Variants in PTPRT observed in about 807,000 individuals in gnomAD.
The protein encoded by PTPRT is protein tyrosine phosphatase receptor type T, also known as receptor-type tyrosine-protein phosphatase T.
PTPRT carries 56 observed loss-of-function variants against 176.8 expected under a neutral mutation model. The observed-to-expected ratio is 0.32, with a 90% confidence interval of 0.26 to 0.40. The LOEUF (loss-of-function observed/expected upper bound fraction) is 0.40. Ranked by LOEUF, PTPRT falls within the 10% of genes least tolerant of loss-of-function variation. The pLI is 1.00. For missense variants in PTPRT, 1,540 were observed against 1,908.2 expected (o/e 0.81, Z 3.60); for synonymous variants, 783 against 739.0 (o/e 1.06, Z -0.96).
intron 4 of PTPRT, among the ~76,000 whole-genome samples, chr20:42,775,755 G>A (rs2077126307): frequency 6.6e-6 from 1 of 152,062 alleles, no homozygotes; most frequent in Admixed American, 6.6e-5. Flanking sequence ...TGGAACTTTT[G>A]GAATACTTAG....
intron 1 of PTPRT, among the ~76,000 whole-genome samples, chr20:42,925,609 T>C (rs940435488): frequency 3.9e-5 from 6 of 152,186 alleles, no homozygotes; most frequent in Admixed American, 6.5e-5. Flanking sequence ...GTCCCATATT[T>C]CGGGTGTCAT....
At chr20:42,357,367 C>A (rs998391964) in intron 9 of PTPRT, among the ~76,000 whole-genome samples, 4 of 152,188 alleles carry the variant, frequency 2.6e-5, no homozygotes, top group Non-Finnish European at 4.4e-5. Flanking sequence ...ACTTTAAGCT[C>A]CAAGGAGGCA....
intron 7 of PTPRT, among the ~76,000 whole-genome samples, chr20:42,543,773 C>T (rs1340309883): frequency 6.6e-6 from 1 of 152,050 alleles, no homozygotes; most frequent in Non-Finnish European, 1.5e-5. Flanking sequence ...GATCCATGGT[C>T]TGTAGAATGG....
chr20:42,551,153 A>G (rs935096273), intron 7 of PTPRT, among the ~76,000 whole-genome samples: 4 of 152,128 alleles, frequency 2.6e-5, no homozygotes, highest in Non-Finnish European at 2.9e-5. Flanking sequence ...AACAAATTAT[A>G]TATCTCTTTA....
chr20:42,336,300 T>C (rs531480690), intron 11 of PTPRT, among the ~76,000 whole-genome samples: 2 of 152,274 alleles, frequency 1.3e-5, no homozygotes, highest in African/African-American at 2.4e-5. Flanking sequence ...CCATCTATCA[T>C]AGCAGGAAAT....
At chr20:42,259,175 G>C (rs2056701783) in intron 13 of PTPRT, among the ~76,000 whole-genome samples, 1 of 152,316 alleles carries the variant, frequency 6.6e-6, no homozygotes, top group South Asian at 2.1e-4. Flanking sequence ...CTTCCAGATA[G>C]ACCTTGTTTT....
intron 1 of PTPRT, among the ~76,000 whole-genome samples, chr20:42,954,477 C>T (rs553067437): frequency 5.9e-5 from 9 of 152,254 alleles, no homozygotes; most frequent in African/African-American, 2.2e-4. Context: ...CATGACCTGA[C>T]GATACATGCA....
At chr20:42,951,676 A>G (rs1213439297) in intron 1 of PTPRT, among the ~76,000 whole-genome samples, 1 of 152,164 alleles carries the variant, frequency 6.6e-6, no homozygotes, top group African/African-American at 2.4e-5. Flanking sequence ...ATCTATTACC[A>G]TGATCCAGGT....
intron 1 of PTPRT, among the ~76,000 whole-genome samples, chr20:43,009,922 T>C (rs1182636594): frequency 1.3e-5 from 2 of 152,090 alleles, no homozygotes; most frequent in Non-Finnish European, 2.9e-5. Context: ...GCCTGATAGA[T>C]TTCACCAATC....
intron 1 of PTPRT, among the ~76,000 whole-genome samples, chr20:43,186,354 C>A (rs1382312622): frequency 6.6e-6 from 1 of 152,196 alleles, no homozygotes; most frequent in Non-Finnish European, 1.5e-5. Context: ...ACCCTCGCCC[C>A]CCCATTATAG....
At chr20:42,319,034 G>C (rs1212823406) in intron 11 of PTPRT, among the ~76,000 whole-genome samples, 1 of 152,134 alleles carries the variant, frequency 6.6e-6, no homozygotes, top group African/African-American at 2.4e-5. Flanking sequence ...ATGCTGCCAA[G>C]GACTATTAGA....
chr20:42,170,034 C>A (rs953848688), intron 16 of PTPRT, among the ~76,000 whole-genome samples: 1 of 152,172 alleles, frequency 6.6e-6, no homozygotes, highest in African/African-American at 2.4e-5. Flanking sequence ...GTTCTCTTAT[C>A]TCTAAGAAGG....
At chr20:42,440,301 G>A (rs2059301058) in intron 9 of PTPRT, among the ~76,000 whole-genome samples, 1 of 152,064 alleles carries the variant, frequency 6.6e-6, no homozygotes, top group Non-Finnish European at 1.5e-5. Context: ...CCAAGCTTGA[G>A]AACAGCTAAA....
intron 1 of PTPRT, among the ~76,000 whole-genome samples, chr20:42,951,813 C>T (rs1040574541): frequency 5.9e-5 from 9 of 152,160 alleles, no homozygotes; most frequent in Non-Finnish European, 1.3e-4. Flanking sequence ...AATCTCAGTT[C>T]AGCCACTTAC....
intron 7 of PTPRT, among the ~76,000 whole-genome samples, chr20:42,575,508 C>T (rs958318291): frequency 2.0e-5 from 3 of 152,198 alleles, no homozygotes; most frequent in Non-Finnish European, 4.4e-5. Context: ...TAGGTGGCAA[C>T]CTCAAATCTT....
chr20:43,103,624 G>A (rs897068233), intron 1 of PTPRT, among the ~76,000 whole-genome samples: 4 of 151,928 alleles, frequency 2.6e-5, no homozygotes, highest in Non-Finnish European at 5.9e-5. Flanking sequence ...CCCCCAAGGG[G>A]GCAAAAATTG....
chr20:42,422,521 G>A (rs1022711677), intron 9 of PTPRT, among the ~76,000 whole-genome samples: 10 of 152,184 alleles, frequency 6.6e-5, no homozygotes, highest in South Asian at 2.1e-4. Flanking sequence ...CAGTCAGAAT[G>A]GTTACTACTA....
Position 42,507,634 on chromosome 20 carries a change from C to T in PTPRT, c.1154-35072G>A, listed in dbSNP as rs145965265. 3.1e-3 allele frequency among the ~76,000 whole-genome samples: 471 copies of T among 152,218 alleles called. 1 individual carries two copies. Among genetic ancestry groups the T allele is most frequent in the South Asian group, 0.023 (111 of 4,810 alleles). On this transcript the variant is annotated intron_variant, in intron 7 of 30. Transcript: ENST00000373187. ...AATGTACAGCACAATGCTTGGCCAG[C>T]GGTTGAGTCTTAACAAATATTAGTT...
At chr20:42,245,039 T>C (rs555910535) in intron 14 of PTPRT, among the ~76,000 whole-genome samples, 1 of 152,302 alleles carries the variant, frequency 6.6e-6, no homozygotes, top group African/African-American at 2.4e-5. Context: ...GGTCTTTCTC[T>C]TATGTCAGGA....
Sources: allele counts gnomAD v4.1 joint callset (sites outside exome capture counted in the v4.1 genomes callset), GRCh38; gene constraint gnomAD v4.1.1; transcripts MANE v1.5; gene names NCBI Gene and HGNC (gene_info 2026-07-23, HGNC 2026-07-21).